Variants in LYZL4 observed in about 807,000 individuals in gnomAD.
LYZL4 encodes lysozyme like 4.
Under a neutral mutation model 17.6 loss-of-function variants are expected in LYZL4, and 13 were observed. The observed-to-expected ratio is 0.74, with a 90% CI of 0.48 to 1.18. The LOEUF (loss-of-function observed/expected upper bound fraction) is 1.18. Ranked by LOEUF, LYZL4 falls within the 50% of genes most tolerant of loss-of-function variation. LYZL4 has a pLI of 0.00. For missense variants in LYZL4, 174 were observed against 188.2 expected (o/e 0.92, Z 0.44); for synonymous variants, 64 against 67.7 (o/e 0.95, Z 0.27).
chr3:42,398,497 A>G (rs747693415), intron 4 of LYZL4, among the ~76,000 whole-genome samples: 1 of 152,366 alleles, frequency 6.6e-6, no homozygotes, highest in Non-Finnish European at 1.5e-5. Context: ...TAACATTAAT[A>G]AGGGGACTTT....
At chr3:42,379,539 G>A in the LYZL4 span, among the ~76,000 whole-genome samples, 1 of 152,142 alleles carries the variant, frequency 6.6e-6, no homozygotes, top group Non-Finnish European at 1.5e-5. Context: ...CAAGCAAAAG[G>A]GAAGTTTATT....
chr3:42,407,934 A>C (rs2125603800), intron 1 of LYZL4, among the ~76,000 whole-genome samples: 1 of 152,294 alleles, frequency 6.6e-6, no homozygotes, highest in South Asian at 2.1e-4. Flanking sequence ...CAGACAAGTC[A>C]TTTAGCTTTA....
chr3:42,400,172 C>A (rs1001218062), intron 4 of LYZL4, among the ~76,000 whole-genome samples: 6 of 152,332 alleles, frequency 3.9e-5, no homozygotes, highest in African/African-American at 1.2e-4. Flanking sequence ...TACGCTTCCA[C>A]TAGTGAAATT....
At chr3:42,385,297 AT>A in the LYZL4 span, among the ~76,000 whole-genome samples, 1 of 152,136 alleles carries the variant, frequency 6.6e-6, no homozygotes, top group Non-Finnish European at 1.5e-5. Flanking sequence ...GTCCCATAAG[AT>A]TACAATACCA....
At chr3:42,386,489 C>A in the LYZL4 span, among the ~76,000 whole-genome samples, 3 of 140,284 alleles carry the variant, frequency 2.1e-5, no homozygotes, top group Non-Finnish European at 4.5e-5. Context: ...ACCTCAAGAT[C>A]TTTAACTTAG....
chr3:42,402,922 G>A lies in LYZL4; in HGVS notation c.371+1124C>T, dbSNP rs189460946. 3.3e-5 allele frequency among the ~76,000 whole-genome samples: 5 copies of A among 152,304 alleles called. No homozygotes were observed. In the East Asian group the frequency reaches 9.6e-4, roughly 29 times the overall value. On this transcript the variant is annotated intron_variant, in intron 4 of 4. Coordinates refer to ENST00000287748, the MANE Select transcript of LYZL4 (RefSeq NM_144634.4). ...ACAATGGAATACTGTATAGCAATGA[G>A]AATGAATCACAACCACACACAAAAA... is the stretch of plus-strand genomic sequence containing the variant.
the LYZL4 span, among the ~76,000 whole-genome samples, chr3:42,388,358 A>C: frequency 1.3e-4 from 20 of 152,352 alleles, no homozygotes; most frequent in African/African-American, 4.3e-4. Flanking sequence ...AACAAACAAC[A>C]ACAAAAAACT....
the LYZL4 span, among the ~76,000 whole-genome samples, chr3:42,385,730 G>A: frequency 6.6e-6 from 1 of 152,124 alleles, no homozygotes; most frequent in Admixed American, 6.5e-5. Flanking sequence ...AATGCTCTAA[G>A]CCTCAGCTTC....
At chr3:42,363,784 G>T in the LYZL4 span, among the ~76,000 whole-genome samples, 1 of 152,180 alleles carries the variant, frequency 6.6e-6, no homozygotes, top group Non-Finnish European at 1.5e-5. Flanking sequence ...CAAGCAAGAA[G>T]TATTTATTAT....
At chr3:42,410,264 A>G (rs1021757564) in intron 1 of LYZL4, among the ~76,000 whole-genome samples, 153 bp downstream of exon 1, 2 of 152,230 alleles carry the variant, frequency 1.3e-5, no homozygotes, top group African/African-American at 2.4e-5. Context: ...TAGGTGCTCA[A>G]TGAAACTTTG....
intron 3 of LYZL4, among the ~76,000 whole-genome samples, chr3:42,406,453 C>CAAAAAAAAAAA (rs565639489): frequency 9.5e-5 from 8 of 84,156 alleles, no homozygotes; most frequent in African/African-American, 2.1e-4. Flanking sequence ...GACTCCGTCT[C>CAAAAAAAAAAA]AAAAAAAAAA....
the LYZL4 span, among the ~76,000 whole-genome samples, chr3:42,373,239 C>A: frequency 6.6e-6 from 1 of 152,132 alleles, no homozygotes; most frequent in East Asian, 1.9e-4. Context: ...AGTTAGGATG[C>A]AAAACCTAAA....
chr3:42,401,340 G>A (rs1698649070), intron 4 of LYZL4, among the ~76,000 whole-genome samples: 1 of 151,848 alleles, frequency 6.6e-6, no homozygotes, highest in African/African-American at 2.4e-5. Context: ...CCTCCCGAGT[G>A]GCTGGGATTA....
the LYZL4 span, among the ~76,000 whole-genome samples, chr3:42,361,853 C>A: frequency 6.6e-6 from 1 of 152,256 alleles, no homozygotes; most frequent in African/African-American, 2.4e-5. Flanking sequence ...ACCTCTCCCA[C>A]TATCAACCTC....
the LYZL4 span, among the ~76,000 whole-genome samples, chr3:42,373,395 C>G: frequency 6.6e-6 from 1 of 152,086 alleles, no homozygotes. Context: ...GATCAGCTTT[C>G]TCTCTATTGG....
At chr3:42,369,637 T>G in the LYZL4 span, among the ~76,000 whole-genome samples, 1 of 151,958 alleles carries the variant, frequency 6.6e-6, no homozygotes, top group Non-Finnish European at 1.5e-5. Context: ...AGACACAGAG[T>G]TGGGGAGGGC....
At chr3:42,397,491 T>A (rs924564994) in intron 4 of LYZL4, among the ~76,000 whole-genome samples, 157 bp from the exon 5 acceptor site, 3 of 152,192 alleles carry the variant, frequency 2.0e-5, no homozygotes, top group African/African-American at 4.8e-5. Flanking sequence ...CTTTTGTGCA[T>A]CTCCAGTGCT....
chr3:42,402,357 TAGAA>T (rs146023417), intron 4 of LYZL4, among the ~76,000 whole-genome samples: 4,833 of 143,890 alleles, frequency 0.034, 140 homozygotes, highest in African/African-American at 0.067. Context: ...AAAAAAAAGA[TAGAA>T]AGGTAACTCA....
At chr3:42,378,133 T>C in the LYZL4 span, among the ~76,000 whole-genome samples, 1 of 152,294 alleles carries the variant, frequency 6.6e-6, no homozygotes, top group Admixed American at 6.5e-5. Context: ...ACAGCCACTT[T>C]GGTGGTGGCA....
Sources: gnomAD v4.1 joint callset for allele counts (sites outside exome capture counted in the v4.1 genomes callset) on GRCh38, gnomAD v4.1.1 for gene constraint, MANE v1.5 for transcripts, NCBI Gene and HGNC (gene_info 2026-07-23, HGNC 2026-07-21) for gene names.